Variants in PRKCE observed in about 807,000 individuals in gnomAD.
PRKCE encodes the protein protein kinase C epsilon type.
In PRKCE, 16 loss-of-function variants were observed where a neutral mutation model predicts 85.4. The ratio of observed to expected loss-of-function variants is 0.19; its 90% confidence interval spans 0.13 to 0.28. The LOEUF (loss-of-function observed/expected upper bound fraction) is 0.28, where lower values mean the gene tolerates loss of function less well. Ranked by LOEUF, PRKCE falls within the 10% of genes least tolerant of loss-of-function variation. The pLI, the probability that PRKCE is intolerant of heterozygous loss-of-function variation, is 1.00. For synonymous variants in PRKCE, 388 were observed against 371.5 expected (o/e 1.04, Z -0.51); for missense variants, 573 against 975.2 (o/e 0.59, Z 5.49).
In PRKCE at chr2:46,007,578, G is replaced by A. The variant is rs564684748; in HGVS notation, c.1180G>A (p.Glu394Lys). 4.0e-5 allele frequency: 64 copies of A among 1,599,784 alleles called. No homozygotes were observed. In the East Asian group the frequency reaches 6.7e-4, roughly 17 times the overall value. The change falls in exon 9 of 15, where the codon GAA becomes AAA. Residue 394 changes from glutamate (E) to lysine (K), a missense_variant. By Grantham distance (56) the Glu-to-Lys change is moderately conservative. Coordinates refer to ENST00000306156, the MANE Select transcript of PRKCE (RefSeq NM_005400.3). Reference protein sequence around the residue: ...GQLMSPGENGEVRQGQAKRLG... With the variant: ...GQLMSPGENGKVRQGQAKRLG... The stretch of plus-strand genomic sequence containing the variant: ...GCTGATGAGCCCCGGTGAGAATGGC[G>A]AAGTCCGGCAAGGCCAGGCCAAGCG...
chr2:45,915,818 A>G (rs574367742), intron 2 of PRKCE, among the ~76,000 whole-genome samples: 1 of 152,312 alleles, frequency 6.6e-6, no homozygotes, highest in East Asian at 1.9e-4. Flanking sequence ...GAGAGAAGCC[A>G]GTTCTTAGTT....
Position 46,100,353 on chromosome 2 carries a change from A to G in PRKCE, c.1592+13991A>G, listed in dbSNP as rs550163728. On this transcript the variant is annotated intron_variant, in intron 11 of 14. Coordinates refer to ENST00000306156, the MANE Select transcript of PRKCE (RefSeq NM_005400.3). ...TTTTCCTCCCTCTCTAATTTACCCA[A>G]AGTCCTCCCTCTTAACCAAAACAAA... Among the ~76,000 whole-genome samples the G allele has an allele frequency of 2.7e-3, 408 of 151,924 alleles. 1 individual carries two copies. The highest frequency in any genetic ancestry group is 4.0e-3 in the Non-Finnish European group (271 of 68,028).
chr2:46,086,355 A>G lies in PRKCE; in HGVS notation c.1585A>G (p.Ile529Val), dbSNP rs778707122. Residue 529 changes from isoleucine (I) to valine (V), a missense_variant, in exon 11 of 15, where the codon ATC becomes GTC. Ile to Val is a conservative substitution (Grantham distance 29). Around this residue, in one of 11 missense-constraint regions of PRKCE, gnomAD observed 89 missense variants for 154.1 expected, o/e 0.58. Coordinates refer to ENST00000306156, the MANE Select transcript of PRKCE (RefSeq NM_005400.3). ...CATGTTCCTCCACCAGCATGGAGTC[A>G]TCTACAGGTAGCCTCTTCTCTCCTC... ...ALMFLHQHGVIYRDLKLDNIL... is the reference protein window; with the variant it reads ...ALMFLHQHGVVYRDLKLDNIL... The G allele has an allele frequency of 5.6e-6, 9 of 1,598,668 alleles. No homozygotes were observed. Among genetic ancestry groups the G allele is most frequent in the South Asian group, 5.5e-5 (5 of 91,010 alleles).
intron 1 of PRKCE, among the ~76,000 whole-genome samples, chr2:45,733,430 C>G (rs1463418271): frequency 6.6e-6 from 1 of 152,122 alleles, no homozygotes; most frequent in South Asian, 2.1e-4. Context: ...CAAGGGAAGA[C>G]AAATAATACG....
chr2:46,056,792 T>C (rs1170948165), intron 10 of PRKCE, among the ~76,000 whole-genome samples: 1 of 152,220 alleles, frequency 6.6e-6, no homozygotes, highest in Non-Finnish European at 1.5e-5. Flanking sequence ...CAAACTTTTC[T>C]TTTTTTAAGT....
rs759793988 is a variant in PRKCE, at chr2:45,980,375, C to T, written c.687C>T (p.Pro229=). The change falls in exon 5 of 15, where the codon CCC becomes CCT. Residue 229 remains proline (P), a synonymous_variant. Coordinates refer to ENST00000306156, the MANE Select transcript of PRKCE (RefSeq NM_005400.3). The part of the protein sequence containing the change: ...KCAGLKKQET[P]DQVGSQRFSV... ...CTGGGTTAAAGAAGCAGGAGACCCC[C>T]GACCAGGTAAGTGTTGGTGACACGG... 1.5e-5 allele frequency: 24 copies of T among 1,599,536 alleles called. No homozygotes were observed. The East Asian group carries it at 2.0e-4, about 13-fold the overall frequency.
At chr2:45,859,086 A>G (rs548758958) in intron 2 of PRKCE, among the ~76,000 whole-genome samples, 1 of 127,390 alleles carries the variant, frequency 7.8e-6, no homozygotes, top group Admixed American at 7.8e-5. Context: ...ATAAATAAAT[A>G]AATAAAATAG....
intron 2 of PRKCE, among the ~76,000 whole-genome samples, chr2:45,937,894 T>G (rs1239173957): frequency 6.6e-6 from 1 of 152,182 alleles, no homozygotes; most frequent in African/African-American, 2.4e-5. Flanking sequence ...GTGAGGAAAC[T>G]GAGGCTCAGC....
chr2:45,845,190 C>T (rs1691680613), intron 2 of PRKCE, among the ~76,000 whole-genome samples: 1 of 151,732 alleles, frequency 6.6e-6, no homozygotes, highest in African/African-American at 2.4e-5. Flanking sequence ...TCTGTTCTCC[C>T]AGTCCTGTTG....
intron 1 of PRKCE, among the ~76,000 whole-genome samples, chr2:45,707,938 C>G (rs1340529653): frequency 6.6e-6 from 1 of 152,216 alleles, no homozygotes; most frequent in Non-Finnish European, 1.5e-5. Context: ...TGCAGCATGA[C>G]TTATGTCTGG....
chr2:45,926,535 A>G (rs985700361), intron 2 of PRKCE, among the ~76,000 whole-genome samples: 9 of 152,236 alleles, frequency 5.9e-5, no homozygotes, highest in Non-Finnish European at 8.8e-5. Context: ...TAGCTCTTCC[A>G]TACAGGTCAT....
intron 11 of PRKCE, among the ~76,000 whole-genome samples, chr2:46,106,946 A>C (rs548984286): frequency 6.6e-6 from 1 of 152,324 alleles, no homozygotes; most frequent in South Asian, 2.1e-4. Flanking sequence ...TATAATACAG[A>C]TAAGTTATTT....
At chr2:45,753,371 T>C (rs1558634059) in intron 1 of PRKCE, among the ~76,000 whole-genome samples, 1 of 152,246 alleles carries the variant, frequency 6.6e-6, no homozygotes, top group African/African-American at 2.4e-5. Flanking sequence ...AGAAGTTTTA[T>C]GGAGAACTTT....
At chr2:45,855,842 A>C (rs1483747713) in intron 2 of PRKCE, among the ~76,000 whole-genome samples, 1 of 152,104 alleles carries the variant, frequency 6.6e-6, no homozygotes, top group African/African-American at 2.4e-5. Context: ...AATGGGCTGA[A>C]CAATGTTTTG....
At chr2:45,699,582 TGTA>T (rs1678447361) in intron 1 of PRKCE, among the ~76,000 whole-genome samples, 1 of 152,210 alleles carries the variant, frequency 6.6e-6, no homozygotes. Flanking sequence ...TGTGGGTCAC[TGTA>T]GACATGGCTC....
intron 1 of PRKCE, among the ~76,000 whole-genome samples, chr2:45,723,134 A>G (rs1283432079): frequency 6.6e-6 from 1 of 152,134 alleles, no homozygotes; most frequent in East Asian, 1.9e-4. Flanking sequence ...TTAACAGTGT[A>G]TTTGTTCTCT....
intron 2 of PRKCE, among the ~76,000 whole-genome samples, chr2:45,928,158 A>T (rs976920754): frequency 2.0e-5 from 3 of 152,132 alleles, no homozygotes; most frequent in Admixed American, 2.0e-4. Context: ...CTGTGTTGTG[A>T]TCTATGGGAA....
chr2:45,891,922 C>T (rs577697372), intron 2 of PRKCE, among the ~76,000 whole-genome samples: 8 of 152,194 alleles, frequency 5.3e-5, no homozygotes, highest in South Asian at 2.1e-4. Flanking sequence ...CCCGTCCCCA[C>T]GTCTTCCTAC....
At chr2:45,925,213 C>T (rs1023088082) in intron 2 of PRKCE, among the ~76,000 whole-genome samples, 1 of 152,142 alleles carries the variant, frequency 6.6e-6, no homozygotes, top group African/African-American at 2.4e-5. Flanking sequence ...AGGGTGTTCC[C>T]CTTTCCTTTC....
Sources: allele counts gnomAD v4.1 joint callset (sites outside exome capture counted in the v4.1 genomes callset), GRCh38; gene constraint gnomAD v4.1.1; regional missense constraint gnomAD v4.1.1; transcripts MANE v1.5; gene names NCBI Gene and HGNC (gene_info 2026-07-23, HGNC 2026-07-21).